RPTOR: variants seen among roughly 807,000 people sequenced by gnomAD.
RPTOR encodes the protein regulatory associated protein of MTOR complex 1.
In RPTOR, 21 loss-of-function variants were observed where a neutral mutation model predicts 169.9. The observed-to-expected ratio is 0.12, with a 90% CI of 0.09 to 0.18. RPTOR has a LOEUF of 0.18. Among genes scored for constraint, RPTOR ranks in the 10% least tolerant of loss-of-function variants. The pLI is 1.00. For missense variants in RPTOR, 1,133 were observed against 1,855.9 expected (o/e 0.61, Z 7.16); for synonymous variants, 732 against 753.2 (o/e 0.97, Z 0.46).
In RPTOR at chr17:80,957,028, C is replaced by T. The variant is rs1429853266; in HGVS notation, c.3371-596C>T. Among the ~76,000 whole-genome samples the T allele has an allele frequency of 1.3e-5, 2 of 152,268 alleles. No individual in the cohort carries two copies. Among genetic ancestry groups the T allele is most frequent in the Non-Finnish European group, 2.9e-5 (2 of 68,054 alleles). On this transcript the variant is annotated intron_variant, in intron 28 of 33. Coordinates refer to ENST00000306801, the MANE Select transcript of RPTOR (RefSeq NM_020761.3). This position sits in a 1 kb window ranked among gnomAD's most constrained non-coding sequence, Gnocchi z 4.6. ...GTCAGGGGAAGACTCAGAGTTCCAGCTCAGAATTGTCGCCCCAGCCTGGAC... is the reference window on the plus strand; with the variant it reads ...GTCAGGGGAAGACTCAGAGTTCCAGTTCAGAATTGTCGCCCCAGCCTGGAC...
At chr17:80,852,392 A>G (rs2067802651) in intron 11 of RPTOR, among the ~76,000 whole-genome samples, 1 of 152,070 alleles carries the variant, frequency 6.6e-6, no homozygotes, top group Non-Finnish European at 1.5e-5. Flanking sequence ...TCCAGGCAGC[A>G]GTGGCATGCG....
rs1338585222 is a variant in RPTOR at position 80,707,164 on chromosome 17, C to T, written c.349-677C>T. Among the ~76,000 whole-genome samples the T allele has an allele frequency of 6.6e-6, 1 of 152,218 alleles. No homozygotes were observed. Among genetic ancestry groups the T allele is most frequent in the East Asian group, 1.9e-4 (1 of 5,184 alleles). ...CGGTCTCTTCACTCTTCTGCCATTG[C>T]TGCCATGTGTACATTGCAGGCTCCT... is the stretch of plus-strand genomic sequence containing the variant. On this transcript the variant is annotated intron_variant, in intron 3 of 33. Transcript: ENST00000306801. The surrounding 1 kb of genome is among the most constrained non-coding windows in gnomAD (Gnocchi z 5.0).
At chr17:80,671,400 C>A (rs898595036) in intron 3 of RPTOR, among the ~76,000 whole-genome samples, 7 of 152,186 alleles carry the variant, frequency 4.6e-5, no homozygotes, top group African/African-American at 1.4e-4. Flanking sequence ...TTTCCTCTTG[C>A]CAGAACACTC....
chr17:80,654,768 G>C (rs2065667376), intron 3 of RPTOR, among the ~76,000 whole-genome samples: 1 of 152,114 alleles, frequency 6.6e-6, no homozygotes, highest in Non-Finnish European at 1.5e-5. Context: ...TAAAATCCAA[G>C]AAGAAGGCAC....
chr17:80,865,072 A>G (rs557700863), intron 13 of RPTOR, among the ~76,000 whole-genome samples: 1 of 152,384 alleles, frequency 6.6e-6, no homozygotes, highest in South Asian at 2.1e-4. Flanking sequence ...AAGAAATACT[A>G]TTGTAAGATT....
intron 1 of RPTOR, among the ~76,000 whole-genome samples, chr17:80,556,187 C>T (rs1225447954): frequency 6.6e-6 from 1 of 152,090 alleles, no homozygotes; most frequent in Non-Finnish European, 1.5e-5. Context: ...CTCACCTCTC[C>T]AATCCCTCTA....
At chr17:80,929,046 A>G (rs1430907593) in intron 24 of RPTOR, among the ~76,000 whole-genome samples, 1 of 152,252 alleles carries the variant, frequency 6.6e-6, no homozygotes, top group Non-Finnish European at 1.5e-5. Flanking sequence ...CATGTCCATG[A>G]AAGGGTTCTG....
In RPTOR at chr17:80,705,265, A is replaced by G. The variant is rs550478281; in HGVS notation, c.349-2576A>G. Among the ~76,000 whole-genome samples, 21 of 152,326 alleles carry G rather than the reference A, an allele frequency of 1.4e-4. No individual in the cohort carries two copies. In the East Asian group the frequency reaches 3.5e-3, roughly 25 times the overall value. Reference sequence around the variant, plus strand: ...CTTCGTGACTCTGCTTTATTTTTCGAGCAGCATTCTGGTTCTGAGCGAGGA... The same window carrying G: ...CTTCGTGACTCTGCTTTATTTTTCGGGCAGCATTCTGGTTCTGAGCGAGGA... On this transcript the variant is annotated intron_variant, in intron 3 of 33. Transcript: ENST00000306801.
At chr17:80,884,580 C>CT (rs1255325080) in intron 16 of RPTOR, among the ~76,000 whole-genome samples, 1 of 152,216 alleles carries the variant, frequency 6.6e-6, no homozygotes, top group East Asian at 1.9e-4. Flanking sequence ...CACAGTGTCG[C>CT]TCCCCTGGCT....
Position 80,964,533 on chromosome 17 carries a change from G to C in RPTOR, c.*203G>C, listed in dbSNP as rs11868753. On this transcript the variant is annotated 3_prime_UTR_variant, in exon 34 of 34. Transcript: ENST00000306801. ...GTCTGGAATGTCAGGGAAGGGGAGG[G>C]CTCGGGTTGACGGTGGCTTCCCACT... 1.7e-6 allele frequency: 1 copy of C among 605,822 alleles called. No homozygotes were observed. The highest frequency in any genetic ancestry group is 1.8e-5 in the African/African-American group (1 of 54,130). The allele number at this position is 605,822 out of a possible 1,614,324, so 37.5% of individuals were successfully genotyped here.
chr17:80,548,496 C>A (rs11654614), intron 1 of RPTOR, among the ~76,000 whole-genome samples: 3 of 150,476 alleles, frequency 2.0e-5, no homozygotes, highest in South Asian at 2.1e-4. Flanking sequence ...ATTCTCCTGC[C>A]TCAGCCTCCC....
intron 10 of RPTOR, among the ~76,000 whole-genome samples, chr17:80,841,731 C>CGCAGCTCACTCTCCCCGCACG (rs1567943563): frequency 5.9e-5 from 6 of 102,284 alleles, no homozygotes; most frequent in Non-Finnish European, 5.7e-5. Context: ...CTCACCACAC[C>CGCAGCTCACTCTCCCCGCACG]GCAGCTCACT....
chr17:80,637,885 C>T (rs943605965), intron 2 of RPTOR, among the ~76,000 whole-genome samples: 4 of 152,376 alleles, frequency 2.6e-5, no homozygotes, highest in African/African-American at 7.2e-5. Flanking sequence ...CCCTTGGCGG[C>T]GGCTCGTGGG....
At chr17:80,591,568 G>A (rs1205422778) in intron 1 of RPTOR, among the ~76,000 whole-genome samples, 1 of 151,538 alleles carries the variant, frequency 6.6e-6, no homozygotes, top group South Asian at 2.1e-4. Context: ...TAGTAGAGAT[G>A]GGGTTTCACC....
intron 5 of RPTOR, among the ~76,000 whole-genome samples, chr17:80,738,399 C>A (rs2143239825): frequency 6.6e-6 from 1 of 152,328 alleles, no homozygotes; most frequent in Non-Finnish European, 1.5e-5. Flanking sequence ...AGATAAAGGT[C>A]TTTTTTGTTG....
intron 6 of RPTOR, among the ~76,000 whole-genome samples, chr17:80,755,759 GAAAC>G (rs1401650692): frequency 1.5e-5 from 2 of 129,446 alleles, no homozygotes; most frequent in African/African-American, 5.5e-5. Context: ...AAAAAAAAAA[GAAAC>G]AAAAAAAGAG....
In RPTOR at chr17:80,716,060, T is replaced by G. The variant is rs139310189; in HGVS notation, c.507+8061T>G. Among the ~76,000 whole-genome samples, 621 of 152,360 alleles carry G rather than the reference T, an allele frequency of 4.1e-3. 1 individual carries two copies. The highest frequency in any genetic ancestry group is 6.6e-3 in the Non-Finnish European group (451 of 68,036). ...CAAGTATCTTTTGTGTATAATGACT[T>G]ATTTTCCTCTGGGTAAATACCCAGT... On this transcript the variant is annotated intron_variant, in intron 4 of 33. Transcript: ENST00000306801.
At chr17:80,916,721 C>A in intron 21 of RPTOR, among the ~76,000 whole-genome samples, 1 of 152,266 alleles carries the variant, frequency 6.6e-6, no homozygotes, top group African/African-American at 2.4e-5. Flanking sequence ...AAACATTGGC[C>A]GAGTGCGATG....
At chr17:80,711,227 G>A (rs558083069) in intron 4 of RPTOR, among the ~76,000 whole-genome samples, 1 of 152,220 alleles carries the variant, frequency 6.6e-6, no homozygotes, top group South Asian at 2.1e-4. Flanking sequence ...CTCTTTTCTT[G>A]TTGATTATTC....
Sources: gnomAD v4.1 joint callset for allele counts (sites outside exome capture counted in the v4.1 genomes callset) on GRCh38, gnomAD v4.1.1 for gene constraint, Gnocchi (gnomAD v3.1) non-coding constraint, MANE v1.5 for transcripts, NCBI Gene and HGNC (gene_info 2026-07-23, HGNC 2026-07-21) for gene names.